Variants in GARNL3 observed in about 807,000 individuals in gnomAD.
GARNL3 encodes the protein GTPase-activating Rap/Ran-GAP domain-like protein 3.
In GARNL3, 63 loss-of-function variants were observed where a neutral mutation model predicts 125.0. The observed-to-expected ratio is 0.50, with a 90% CI of 0.41 to 0.62. The LOEUF (loss-of-function observed/expected upper bound fraction) is 0.62. Among genes scored for constraint, GARNL3 ranks in the 20% least tolerant of loss-of-function variants. The pLI is 0.00. For synonymous variants in GARNL3, 439 were observed against 457.5 expected (o/e 0.96, Z 0.52); for missense variants, 994 against 1,244.0 (o/e 0.80, Z 3.02).
At chr9:127,350,628 T>C (rs1396630081) in intron 17 of GARNL3, among the ~76,000 whole-genome samples, 1 of 151,694 alleles carries the variant, frequency 6.6e-6, no homozygotes, top group Non-Finnish European at 1.5e-5. Flanking sequence ...ATACAAAAAT[T>C]AGCCGGATGT....
chr9:127,334,603 A>C (rs544664888), intron 9 of GARNL3, among the ~76,000 whole-genome samples: 1 of 152,178 alleles, frequency 6.6e-6, no homozygotes, highest in African/African-American at 2.4e-5. Flanking sequence ...AGCGTCTCCA[A>C]TATGGTCATA....
In GARNL3 at chr9:127,364,706, G is replaced by A. The variant is rs1298676548; in HGVS notation, c.2095-594G>A. The A allele has an allele frequency of 6.6e-6, 1 of 152,460 alleles. No homozygotes were observed. The highest frequency in any genetic ancestry group is 1.5e-5 in the Non-Finnish European group (1 of 68,270). The allele number at this position is 152,460 out of a possible 1,614,324, so 9.4% of individuals were successfully genotyped here. ...GAAGAACAGAGAAAGAATAAAGTGTGAAGACATGCCGTGGCGATTTTAAGG... is the reference window on the plus strand; with the variant it reads ...GAAGAACAGAGAAAGAATAAAGTGTAAAGACATGCCGTGGCGATTTTAAGG... On this transcript the variant is annotated intron_variant, in intron 21 of 27. Coordinates refer to ENST00000373387, the MANE Select transcript of GARNL3 (RefSeq NM_032293.5). This position sits in a 1 kb window ranked among gnomAD's most constrained non-coding sequence, Gnocchi z 4.2.
chr9:127,379,948 A>C (rs1588969008), intron 22 of GARNL3, among the ~76,000 whole-genome samples: 3 of 152,248 alleles, frequency 2.0e-5, no homozygotes, highest in Admixed American at 2.0e-4. Context: ...GGGAGGCCAA[A>C]GCGGGTGGAT....
chr9:127,371,630 A>G (rs1159008014), intron 22 of GARNL3, among the ~76,000 whole-genome samples: 2 of 152,244 alleles, frequency 1.3e-5, no homozygotes, highest in African/African-American at 4.8e-5. Flanking sequence ...TATTACAGAA[A>G]AAGTGTCATA....
chr9:127,333,156 T>C (rs1425580004), intron 9 of GARNL3, 35 bp downstream of exon 9: 1 of 1,542,960 alleles, frequency 6.5e-7, no homozygotes. Context: ...TGTTGTAATT[T>C]GTATAACTTT....
chr9:127,335,633 GTCTC>G (rs1340205664), intron 10 of GARNL3, among the ~76,000 whole-genome samples: 1 of 151,984 alleles, frequency 6.6e-6, no homozygotes, highest in African/African-American at 2.4e-5. Context: ...ACTCTTTTTT[GTCTC>G]TCTCTTTTTT....
At chr9:127,367,487 A>T (rs1831346620) in intron 22 of GARNL3, 1 of 152,236 alleles carries the variant, frequency 6.6e-6, no homozygotes, top group Admixed American at 6.5e-5. Context: ...TGTTATTTGA[A>T]AAAAATATAT....
At chr9:127,272,102 C>T (rs2063837419) in intron 1 of GARNL3, among the ~76,000 whole-genome samples, 1 of 150,152 alleles carries the variant, frequency 6.7e-6, no homozygotes, top group African/African-American at 2.5e-5. Context: ...GAGGTTTTGA[C>T]TGTTTGAGGA....
chr9:127,389,200 A>G lies in GARNL3; in HGVS notation c.2743+81A>G. The stretch of plus-strand genomic sequence containing the variant: ...CTTTGGATATGAATTGTCCTCAGAA[A>G]CAATGAGTTTAAAAGGAAAGTTTCC... On this transcript the variant is annotated intron_variant, in intron 26 of 27. Transcript: ENST00000373387. 6.8e-6 allele frequency: 7 copies of G among 1,022,972 alleles called. No individual in the cohort carries two copies. The Middle Eastern group carries it at 1.2e-3, about 180-fold the overall frequency. 63.4% of individuals were successfully genotyped at this position (1,022,972 alleles called of 1,614,324 possible). A position where few individuals can be genotyped will look rare whatever the true frequency, so the allele number is the denominator to read the frequency against.
chr9:127,390,914 CCCCA>C, intron 27 of GARNL3, 147 bp downstream of exon 27: 9 of 757,890 alleles, frequency 1.2e-5, no homozygotes, highest in Non-Finnish European at 1.9e-5. Flanking sequence ...CTCTGAGGGT[CCCCA>C]GACCCTCAGG....
intron 2 of GARNL3, among the ~76,000 whole-genome samples, chr9:127,309,098 T>C (rs1023072722): frequency 1.3e-5 from 2 of 152,078 alleles, no homozygotes; most frequent in African/African-American, 4.8e-5. Context: ...AAAAGCAAAA[T>C]AATACTAAAA....
chr9:127,297,002 G>A (rs2064619168), intron 2 of GARNL3, among the ~76,000 whole-genome samples: 1 of 152,034 alleles, frequency 6.6e-6, no homozygotes, highest in Non-Finnish European at 1.5e-5. Context: ...TCTGTGCTAG[G>A]AACCACTAAC....
intron 10 of GARNL3, among the ~76,000 whole-genome samples, chr9:127,335,726 T>C (rs1032644569): frequency 6.6e-5 from 10 of 152,196 alleles, no homozygotes; most frequent in African/African-American, 2.4e-4. Context: ...TTACCTTTTC[T>C]CTGTGCCTTC....
chr9:127,380,041 G>A (rs376155481), intron 22 of GARNL3, among the ~76,000 whole-genome samples: 6 of 152,204 alleles, frequency 3.9e-5, no homozygotes, highest in East Asian at 1.9e-4. Flanking sequence ...TTAGCCAGGC[G>A]TGGTGGGGCA....
chr9:127,267,802 T>C (rs1380825069), intron 1 of GARNL3, among the ~76,000 whole-genome samples: 1 of 152,244 alleles, frequency 6.6e-6, no homozygotes, highest in East Asian at 1.9e-4. Context: ...ATGAAAATTG[T>C]TGGGAACCCA....
Position 127,355,391 on chromosome 9 carries a change from C to T in GARNL3, c.1854C>T (p.His618=), listed in dbSNP as rs755506471. The change falls in exon 20 of 28, where the codon CAC becomes CAT. Residue 618 remains histidine, a synonymous_variant. Coordinates refer to ENST00000373387, the MANE Select transcript of GARNL3 (RefSeq NM_032293.5). The part of the protein sequence containing the change: ...RNKLLLITRK[H]NKPSGVTSTS... ...AACTGCTTCTGATCACAAGAAAACA[C>T]AACAAGCCAAGCGGGGTCACCAGCA... The T allele has an allele frequency of 6.2e-7, 1 of 1,614,234 alleles. No individual in the cohort carries two copies. Among genetic ancestry groups the T allele is most frequent in the Non-Finnish European group, 8.5e-7 (1 of 1,180,034 alleles).
At position 127,291,266 on chromosome 9, in the gene GARNL3, G is replaced by A. The variant is rs553804641; in HGVS notation, c.219+24G>A. On this transcript the variant is annotated intron_variant, in intron 2 of 27. Coordinates refer to ENST00000373387, the MANE Select transcript of GARNL3 (RefSeq NM_032293.5). Reference sequence around the variant, plus strand: ...AGGTAAGGAAGCCTCCCCACTTCCTGTAATGCCACCAAGCACATGATTATA... The same window carrying A: ...AGGTAAGGAAGCCTCCCCACTTCCTATAATGCCACCAAGCACATGATTATA... 1,150 of 1,593,124 alleles carry A rather than the reference G, an allele frequency of 7.2e-4. 11 individuals carry two copies. In the South Asian group the frequency reaches 0.012, roughly 17 times the overall value.
intron 1 of GARNL3, among the ~76,000 whole-genome samples, chr9:127,276,974 G>A (rs2131315328): frequency 6.6e-6 from 1 of 152,280 alleles, no homozygotes; most frequent in South Asian, 2.1e-4. Flanking sequence ...CTTGTCCAAG[G>A]TCACACAACT....
At chr9:127,293,897 T>G (rs973946943) in intron 2 of GARNL3, among the ~76,000 whole-genome samples, 3 of 152,220 alleles carry the variant, frequency 2.0e-5, no homozygotes, top group Non-Finnish European at 2.9e-5. Flanking sequence ...ACTACCAAAG[T>G]GCTGCAGATT....
Sources: allele counts gnomAD v4.1 joint callset (sites outside exome capture counted in the v4.1 genomes callset), GRCh38; gene constraint gnomAD v4.1.1; non-coding constraint Gnocchi (gnomAD v3.1); transcripts MANE v1.5; gene names NCBI Gene and HGNC (gene_info 2026-07-23, HGNC 2026-07-21).